PCDHA8: variants seen among roughly 807,000 people sequenced by gnomAD.
PCDHA8 encodes the protein protocadherin alpha 8.
PCDHA8 carries 53 observed loss-of-function variants against 61.8 expected under a neutral mutation model. The observed-to-expected ratio is 0.86, with a 90% confidence interval of 0.69 to 1.08. The LOEUF is 1.08. Among genes scored for constraint, PCDHA8 ranks in the 50% least tolerant of loss-of-function variants. The pLI is 0.00. For synonymous variants in PCDHA8, 618 were observed against 556.6 expected, an observed-to-expected ratio of 1.11 and a Z score of -1.55; for missense variants, 1,293 against 1,245.0, an observed-to-expected ratio of 1.04 and a Z score of -0.58.
At position 140,993,462 on chromosome 5, in the gene PCDHA8, T is replaced by TCACACACACA. The variant is rs3836747; in HGVS notation, c.2542+10937_2542+10946dup. On this transcript the variant is annotated intron_variant, in intron 3 of 3. Coordinates refer to ENST00000531613, the MANE Select transcript of PCDHA8 (RefSeq NM_018911.3). Reference sequence around the variant, plus strand: ...CATTCCTGTTCTCCTTCTTTCTTTCTCACACACACACACACACACACACAC... The same window carrying TCACACACACA: ...CATTCCTGTTCTCCTTCTTTCTTTCTCACACACACACACACACACACACACACACACACAC... Among the ~76,000 whole-genome samples, 267 of 141,038 alleles carry TCACACACACA rather than the reference T, an allele frequency of 1.9e-3. 2 individuals are homozygous for TCACACACACA. The highest frequency in any genetic ancestry group is 2.7e-3 in the Non-Finnish European group (175 of 64,694). The allele number at this position is 141,038 out of a possible 152,430, so 92.5% of individuals were successfully genotyped here.
At position 140,848,714 on chromosome 5, in the gene PCDHA8, C is replaced by A. The variant is rs2150418580; in HGVS notation, c.2394+4999C>A. On this transcript the variant is annotated intron_variant, in intron 1 of 3. Transcript: ENST00000531613. ...AGTTGGATTCCAAAGGCCGCGGGGA[C>A]CTTCTGGAGGTAAATCTGCAGAATG... 5.0e-6 allele frequency: 8 copies of A among 1,592,122 alleles called. 1 individual carries two copies. Among genetic ancestry groups the A allele is most frequent in the Non-Finnish European group, 6.0e-6 (7 of 1,163,208 alleles).
At chr5:140,861,430 A>G (rs370794784) in intron 1 of PCDHA8, 18 of 488,226 alleles carry the variant, frequency 3.7e-5, no homozygotes, top group African/African-American at 3.5e-4. Context: ...TTTCAGTTGG[A>G]TTCCAAAAGC....
At chr5:140,939,104 T>G (rs2092317491) in intron 1 of PCDHA8, among the ~76,000 whole-genome samples, 1 of 152,160 alleles carries the variant, frequency 6.6e-6, no homozygotes, top group South Asian at 2.1e-4. Context: ...CAATAGAAAT[T>G]TATTTTTCAC....
At chr5:140,997,142 G>A (rs1038632915) in intron 3 of PCDHA8, among the ~76,000 whole-genome samples, 40 of 151,426 alleles carry the variant, frequency 2.6e-4, no homozygotes, top group African/African-American at 2.7e-4. Flanking sequence ...CCACACCCCC[G>A]CCACAGTGAC....
Position 140,843,849 on chromosome 5 carries a change from T to G in PCDHA8, c.2394+134T>G. 2 of 972,226 alleles carry G rather than the reference T, an allele frequency of 2.1e-6. 1 individual carries two copies. Among genetic ancestry groups the G allele is most frequent in the South Asian group, 3.4e-5 (2 of 58,960 alleles). 60.2% of individuals were successfully genotyped at this position (972,226 alleles called of 1,614,324 possible). ...ACATTGTTTAGTTTTTAGAAACCTTTTATAATTAATTGAATTTTCTCAGTG... is the reference window on the plus strand; with the variant it reads ...ACATTGTTTAGTTTTTAGAAACCTTGTATAATTAATTGAATTTTCTCAGTG... On this transcript the variant is annotated intron_variant, in intron 1 of 3. Transcript: ENST00000531613.
In PCDHA8 at chr5:140,842,111, C is replaced by T; in HGVS notation, c.790C>T (p.Leu264=). ...AGACAACGGAACAACAGTTATCAAA[C>T]TGAATGCTTCTGATCCGGATGAAGG... ...NADNGTTVIK[L]NASDPDEGAN... Residue 264 remains leucine (L), a synonymous_variant, in exon 1 of 4, where the codon CTG becomes TTG. Transcript: ENST00000531613. 6.2e-7 allele frequency: 1 copy of T among 1,613,876 alleles called. No individual in the cohort carries two copies. The highest frequency in any genetic ancestry group is 8.5e-7 in the Non-Finnish European group (1 of 1,179,852).
intron 1 of PCDHA8, chr5:140,969,237 C>T (rs1278018540): frequency 6.2e-7 from 1 of 1,614,156 alleles, no homozygotes; most frequent in African/African-American, 1.3e-5. Flanking sequence ...GGAGCCCAAG[C>T]AGCAGTGACT....
intron 1 of PCDHA8, chr5:140,875,939 G>A (rs2055971750): frequency 6.2e-7 from 1 of 1,614,158 alleles, no homozygotes; most frequent in Non-Finnish European, 8.5e-7. Flanking sequence ...CCTCTAGAGG[G>A]CGCTTCTGAT....
intron 1 of PCDHA8, chr5:140,851,022 TA>T: frequency 7.0e-7 from 1 of 1,428,364 alleles, no homozygotes; most frequent in Non-Finnish European, 9.2e-7. Flanking sequence ...TCTGATAAAG[TA>T]AACCCCTTAA....
intron 1 of PCDHA8, among the ~76,000 whole-genome samples, chr5:140,908,968 C>T (rs1201886997): frequency 6.6e-6 from 1 of 152,092 alleles, no homozygotes; most frequent in African/African-American, 2.4e-5. Flanking sequence ...TCTTGATAGG[C>T]CCCACTCCAC....
intron 1 of PCDHA8, among the ~76,000 whole-genome samples, chr5:140,918,467 C>T (rs2078709178): frequency 6.6e-6 from 1 of 152,006 alleles, no homozygotes; most frequent in Non-Finnish European, 1.5e-5. Context: ...TGTCTTATTC[C>T]AAGTCTCAAG....
intron 1 of PCDHA8, among the ~76,000 whole-genome samples, chr5:140,953,965 G>A (rs1554221174): frequency 6.6e-6 from 1 of 152,024 alleles, no homozygotes; most frequent in Non-Finnish European, 1.5e-5. Flanking sequence ...GCCCCAGTGT[G>A]TGTTGTTCCC....
chr5:141,000,421 A>T (rs4912737), intron 3 of PCDHA8, among the ~76,000 whole-genome samples: 2,503 of 28,048 alleles, frequency 0.089, 337 homozygotes, highest in East Asian at 0.098. Flanking sequence ...ATATATATAT[A>T]TTTTTTTTTT....
intron 1 of PCDHA8, chr5:140,883,112 A>T (rs141106500): frequency 1.9e-6 from 3 of 1,614,156 alleles, no homozygotes; most frequent in Non-Finnish European, 2.5e-6. Context: ...TTACTCATTT[A>T]GAAGGCCTGT....
rs2150323306 is a variant in PCDHA8 at position 140,841,813 on chromosome 5, T to C, written c.492T>C (p.Ala164=). 1 of 1,613,920 alleles carries C rather than the reference T, an allele frequency of 6.2e-7. No individual in the cohort carries two copies. The highest frequency in any genetic ancestry group is 8.5e-7 in the Non-Finnish European group (1 of 1,179,868). Residue 164 remains alanine, a synonymous_variant, in exon 1 of 4, where the codon GCT becomes GCC. Transcript: ENST00000531613. ...LEGASDADVG[A]NSVLTYRLSS... Reference sequence around the variant, plus strand: ...GCGCGTCCGATGCAGATGTTGGAGCTAACTCCGTGTTAACCTACAGGCTTA... The same window carrying C: ...GCGCGTCCGATGCAGATGTTGGAGCCAACTCCGTGTTAACCTACAGGCTTA...
At chr5:140,972,829 A>T (rs1554234573) in intron 1 of PCDHA8, among the ~76,000 whole-genome samples, 2 of 151,928 alleles carry the variant, frequency 1.3e-5, no homozygotes, top group African/African-American at 4.8e-5. Flanking sequence ...ACGCCTGGCT[A>T]ATTTTTGTAT....
intron 1 of PCDHA8, chr5:140,928,185 C>CA: frequency 1.2e-6 from 2 of 1,614,184 alleles, no homozygotes; most frequent in Non-Finnish European, 1.7e-6. Context: ...GAAGGACAAT[C>CA]ACTGTGTCAG....
chr5:140,927,401 G>A lies in PCDHA8; in HGVS notation c.2395-51548G>A, dbSNP rs782140870. On this transcript the variant is annotated intron_variant, in intron 1 of 3. Transcript: ENST00000531613. ...AGCCTAAGCCCCAGTCAGCACTTTCGCCTGGACATGGGATCGCGGGTTGAC... is the reference window on the plus strand; with the variant it reads ...AGCCTAAGCCCCAGTCAGCACTTTCACCTGGACATGGGATCGCGGGTTGAC... The A allele has an allele frequency of 1.9e-6, 3 of 1,614,192 alleles. No homozygotes were observed. Among genetic ancestry groups the A allele is most frequent in the Non-Finnish European group, 2.5e-6 (3 of 1,180,036 alleles).
intron 1 of PCDHA8, among the ~76,000 whole-genome samples, chr5:140,900,590 G>A (rs984247729): frequency 3.3e-5 from 5 of 152,174 alleles, no homozygotes; most frequent in South Asian, 2.1e-4. Flanking sequence ...TTCTTTACCC[G>A]TTCATCTGAT....
Sources: gnomAD v4.1 joint callset for allele counts (sites outside exome capture counted in the v4.1 genomes callset) on GRCh38, gnomAD v4.1.1 for gene constraint, MANE v1.5 for transcripts, NCBI Gene and HGNC (gene_info 2026-07-23, HGNC 2026-07-21) for gene names.